The following RIT2 variants were observed in gnomAD, a reference collection of about 807,000 sequenced individuals.
RIT2 encodes Ras like without CAAX 2, also known as GTP-binding protein Rit2.
A neutral mutation model predicts 23.7 loss-of-function variants in RIT2; 24 were observed. The ratio of observed to expected loss-of-function variants is 1.01; its 90% CI spans 0.73 to 1.43. The LOEUF (loss-of-function observed/expected upper bound fraction) is 1.43. Among genes scored for constraint, RIT2 ranks in the 40% most tolerant of loss-of-function variants. The pLI, the probability that RIT2 is intolerant of heterozygous loss-of-function variation, is 0.00. For synonymous variants in RIT2, 107 were observed against 91.1 expected, an observed-to-expected ratio of 1.17 and a Z score of -0.99; for missense variants, 236 against 266.9, an observed-to-expected ratio of 0.88 and a Z score of 0.81.
intron 4 of RIT2, among the ~76,000 whole-genome samples, chr18:42,767,519 A>G (rs1913452867): frequency 1.3e-5 from 2 of 152,206 alleles, no homozygotes. Flanking sequence ...TTACAGGCTC[A>G]TAGGCTGAAG....
intron 4 of RIT2, among the ~76,000 whole-genome samples, chr18:42,913,052 G>A (rs1041054679): frequency 4.6e-5 from 7 of 151,662 alleles, no homozygotes; most frequent in East Asian, 1.9e-4. Flanking sequence ...GCAGAAAGAC[G>A]GATCAAAGGA....
At chr18:42,899,426 CA>C (rs1258547792) in intron 4 of RIT2, among the ~76,000 whole-genome samples, 1 of 151,736 alleles carries the variant, frequency 6.6e-6, no homozygotes, top group Non-Finnish European at 1.5e-5. Context: ...TTATTGTCTA[CA>C]GTGTCCCATA....
chr18:43,032,475 G>A (rs1389835705), intron 2 of RIT2, among the ~76,000 whole-genome samples: 1 of 152,034 alleles, frequency 6.6e-6, no homozygotes, highest in Non-Finnish European at 1.5e-5. Flanking sequence ...AAGATTCAGA[G>A]ATTTTTCCAA....
Position 43,034,347 on chromosome 18 carries a change from G to C in RIT2, c.104-480C>G, listed in dbSNP as rs540919922. On this transcript the variant is annotated intron_variant, in intron 1 of 4. Transcript: ENST00000326695. ...AATTACATTATTTTTGTCTTTAACT[G>C]TTCAAAATTAAAATTATTTCAGTTA... Among the ~76,000 whole-genome samples, 13 of 152,090 alleles carry C rather than the reference G, an allele frequency of 8.5e-5. No individual in the cohort carries two copies. The South Asian group carries it at 2.7e-3, about 32-fold the overall frequency.
intron 4 of RIT2, among the ~76,000 whole-genome samples, chr18:42,796,121 A>G (rs1905343920): frequency 6.6e-6 from 1 of 152,036 alleles, no homozygotes; most frequent in African/African-American, 2.4e-5. Flanking sequence ...CTTTGCAATA[A>G]ATCTTGCTAC....
intron 4 of RIT2, among the ~76,000 whole-genome samples, chr18:42,922,212 A>G (rs1909072369): frequency 2.0e-5 from 3 of 152,202 alleles, no homozygotes; most frequent in Admixed American, 1.3e-4. Flanking sequence ...ACTTGTAAAC[A>G]TGGACTCTGT....
intron 4 of RIT2, among the ~76,000 whole-genome samples, chr18:42,861,530 C>T (rs1907327670): frequency 6.6e-6 from 1 of 152,204 alleles, no homozygotes; most frequent in Non-Finnish European, 1.5e-5. Context: ...ACTACTCCAC[C>T]ACTCTATGCC....
chr18:42,818,680 C>T (rs1906063908), intron 4 of RIT2, among the ~76,000 whole-genome samples: 1 of 151,988 alleles, frequency 6.6e-6, no homozygotes, highest in Non-Finnish European at 1.5e-5. Context: ...ACGCATGCTA[C>T]TGACTGTACT....
intron 1 of RIT2, among the ~76,000 whole-genome samples, chr18:43,035,751 A>G (rs569343874): frequency 1.3e-5 from 2 of 152,194 alleles, no homozygotes; most frequent in Admixed American, 6.5e-5. Flanking sequence ...TTTCTTAGTA[A>G]TTTTTCCATC....
At chr18:42,925,154 C>G (rs1909149325) in intron 3 of RIT2, among the ~76,000 whole-genome samples, 1 of 151,972 alleles carries the variant, frequency 6.6e-6, no homozygotes, top group Non-Finnish European at 1.5e-5. Context: ...TTTATTTTAA[C>G]TCAATCCTAA....
intron 1 of RIT2, 55 bp downstream of exon 1, chr18:43,115,362 T>C (rs1914043441): frequency 6.2e-6 from 10 of 1,603,654 alleles, no homozygotes; most frequent in Non-Finnish European, 8.5e-6. Flanking sequence ...TTTCACTCTA[T>C]AGAGTTGTCT....
chr18:42,890,660 T>C (rs940054701), intron 4 of RIT2, among the ~76,000 whole-genome samples: 7 of 152,078 alleles, frequency 4.6e-5, no homozygotes, highest in Non-Finnish European at 2.9e-5. Flanking sequence ...TCCAGAATTA[T>C]CTTCTTGTTA....
At chr18:42,767,477 G>A (rs940505458) in intron 4 of RIT2, among the ~76,000 whole-genome samples, 2 of 152,166 alleles carry the variant, frequency 1.3e-5, no homozygotes, top group Non-Finnish European at 2.9e-5. Flanking sequence ...TACCCCTATT[G>A]TATCTAAGAT....
chr18:43,049,012 C>T (rs1479906991), intron 1 of RIT2, among the ~76,000 whole-genome samples: 1 of 152,166 alleles, frequency 6.6e-6, no homozygotes, highest in Non-Finnish European at 1.5e-5. Flanking sequence ...AGAGTAGTCA[C>T]TCCATTTATT....
At chr18:42,779,944 A>G (rs1178226397) in intron 4 of RIT2, among the ~76,000 whole-genome samples, 2 of 152,082 alleles carry the variant, frequency 1.3e-5, no homozygotes, top group African/African-American at 2.4e-5. Flanking sequence ...TAGGTAATGA[A>G]ACTTAAAAAT....
At position 43,115,672 on chromosome 18, in the gene RIT2, C is replaced by G; in HGVS notation, c.-153G>C. On this transcript the variant is annotated 5_prime_UTR_variant, in exon 1 of 5. Transcript: ENST00000326695. ...TCGGGCTGGCTGCTGGTCCTCCGCT[C>G]GAGCGGGTCTCATAGCAACCACTTC... is the stretch of plus-strand genomic sequence containing the variant. 7 of 1,107,602 alleles carry G rather than the reference C, an allele frequency of 6.3e-6. No individual in the cohort carries two copies. Among genetic ancestry groups the G allele is most frequent in the Non-Finnish European group, 8.5e-6 (7 of 820,954 alleles). The allele number at this position is 1,107,602 out of a possible 1,614,324, so 68.6% of individuals were successfully genotyped here.
rs144790929 is a variant in RIT2 at position 42,908,434 on chromosome 18, G to C, written c.426+15138C>G. On this transcript the variant is annotated intron_variant, in intron 4 of 4. Coordinates refer to ENST00000326695, the MANE Select transcript of RIT2 (RefSeq NM_002930.4). The stretch of plus-strand genomic sequence containing the variant: ...ATTTGGCAAAACACATAAAGCTACA[G>C]ATTCAAGAAGCTGAGTAAAACTCAA... 6.7e-3 allele frequency among the ~76,000 whole-genome samples: 1,014 copies of C among 152,204 alleles called. 11 individuals carry two copies. Among genetic ancestry groups the C allele is most frequent in the African/African-American group, 0.023 (976 of 41,542 alleles).
At chr18:42,856,995 A>ATTTTTTTTTTTT in intron 4 of RIT2, among the ~76,000 whole-genome samples, 1 of 151,630 alleles carries the variant, frequency 6.6e-6, no homozygotes, top group African/African-American at 2.4e-5. Context: ...CGCCCGGCTA[A>ATTTTTTTTTTTT]TTTTTTGTAT....
chr18:42,744,224 G>A (rs991972017), intron 4 of RIT2, among the ~76,000 whole-genome samples: 9 of 152,178 alleles, frequency 5.9e-5, no homozygotes, highest in South Asian at 4.1e-4. Flanking sequence ...GACTCAGCCC[G>A]CCTGCACCCA....
Sources: gnomAD v4.1 joint callset for allele counts (sites outside exome capture counted in the v4.1 genomes callset) on GRCh38, gnomAD v4.1.1 for gene constraint, MANE v1.5 for transcripts, NCBI Gene and HGNC (gene_info 2026-07-23, HGNC 2026-07-21) for gene names.